The following RBFOX1 variants were observed in gnomAD, a reference collection of about 807,000 sequenced individuals.
RBFOX1 encodes the protein RNA binding fox-1 homolog 1.
RBFOX1 carries 8 observed loss-of-function variants against 57.7 expected under a neutral mutation model. That is an observed-to-expected ratio of 0.14 (90% CI 0.08 to 0.25). The LOEUF (loss-of-function observed/expected upper bound fraction) is 0.25, where lower values mean the gene tolerates loss of function less well. Among genes scored for constraint, RBFOX1 ranks in the 10% least tolerant of loss-of-function variants. RBFOX1 has a pLI of 1.00. For synonymous variants in RBFOX1, 326 were observed against 222.4 expected (o/e 1.47, Z -4.15); for missense variants, 611 against 548.5 (o/e 1.11, Z -1.14).
At chr16:5,849,454 A>G (rs1273832029) in intron 3 of RBFOX1, among the ~76,000 whole-genome samples, 1 of 152,112 alleles carries the variant, frequency 6.6e-6, no homozygotes. Flanking sequence ...ACAGAAACTC[A>G]TTCCCAGGCA....
At chr16:6,302,812 C>G (rs1291452548) in intron 1 of RBFOX1, among the ~76,000 whole-genome samples, 1 of 152,062 alleles carries the variant, frequency 6.6e-6, no homozygotes, top group Non-Finnish European at 1.5e-5. Flanking sequence ...AAACTTATGC[C>G]CCTTTTAGTG....
Position 5,834,819 on chromosome 16 carries a change from TAGAC to T in RBFOX1, c.319-32468_319-32465del, listed in dbSNP as rs71142652. Among the ~76,000 whole-genome samples, 271 of 134,430 alleles carry T rather than the reference TAGAC, an allele frequency of 2.0e-3. 1 individual carries two copies. Among genetic ancestry groups the T allele is most frequent in the African/African-American group, 7.0e-3 (231 of 33,136 alleles). 88.2% of individuals were successfully genotyped at this position (134,430 alleles called of 152,430 possible). A position where few individuals can be genotyped will look rare whatever the true frequency, so the allele number is the denominator to read the frequency against. ...ATAGATAGATAGATAGATAGATAGA[TAGAC>T]AGACAGACAGACAGATTTCTTTTCC... On this transcript the variant is annotated intron_variant, in intron 3 of 19. Coordinates refer to the RBFOX1 transcript ENST00000641259.
chr16:7,235,509 A>G (rs546289806), intron 4 of RBFOX1, among the ~76,000 whole-genome samples: 9 of 152,284 alleles, frequency 5.9e-5, no homozygotes, highest in African/African-American at 2.2e-4. Context: ...AGTTTTTGAC[A>G]TTTTATGGGC....
At chr16:6,438,334 G>C (rs1200944354) in intron 2 of RBFOX1, among the ~76,000 whole-genome samples, 1 of 152,118 alleles carries the variant, frequency 6.6e-6, no homozygotes, top group African/African-American at 2.4e-5. Flanking sequence ...GGAGAGTGAG[G>C]CTTAAGGAGA....
intron 1 of RBFOX1, among the ~76,000 whole-genome samples, chr16:5,344,779 C>A (rs796884198): frequency 6.6e-6 from 1 of 152,108 alleles, no homozygotes; most frequent in Non-Finnish European, 1.5e-5. Context: ...AATTATCCAA[C>A]GTTATTTAAA....
At chr16:6,904,611 A>G (rs2069327873) in intron 3 of RBFOX1, among the ~76,000 whole-genome samples, 1 of 150,074 alleles carries the variant, frequency 6.7e-6, no homozygotes, top group African/African-American at 2.4e-5. Context: ...AAAAAAAAAA[A>G]AAAAAAAAAA....
In RBFOX1 at chr16:7,217,919, AGT is replaced by A. The variant is rs2092359164; in HGVS notation, c.27+165824_27+165825del. On this transcript the variant is annotated intron_variant, in intron 4 of 15. Coordinates refer to ENST00000550418, the MANE Select transcript of RBFOX1 (RefSeq NM_018723.4). Reference sequence around the variant, plus strand: ...GTATGTGTGTGCATGTGTGTGTGTGAGTGTAGGTGTGTGCGTGCATGTGTGTG... The same window carrying A: ...GTATGTGTGTGCATGTGTGTGTGTGAGTAGGTGTGTGCGTGCATGTGTGTG... 2.0e-5 allele frequency among the ~76,000 whole-genome samples: 3 copies of A among 147,464 alleles called. No homozygotes were observed. The South Asian group carries it at 6.5e-4, about 32-fold the overall frequency.
chr16:6,829,420 A>G (rs943778645), intron 3 of RBFOX1, among the ~76,000 whole-genome samples: 1 of 150,148 alleles, frequency 6.7e-6, no homozygotes. Flanking sequence ...GTAAAAGGCT[A>G]TTTGTAGATT....
chr16:5,945,847 A>C (rs190724723), intron 4 of RBFOX1, among the ~76,000 whole-genome samples: 6 of 152,236 alleles, frequency 3.9e-5, no homozygotes, highest in African/African-American at 1.4e-4. Flanking sequence ...GTGTGTGAGA[A>C]GTCTACTCCA....
intron 3 of RBFOX1, among the ~76,000 whole-genome samples, chr16:6,797,436 C>T (rs941941979): frequency 1.3e-5 from 2 of 152,090 alleles, no homozygotes; most frequent in Non-Finnish European, 2.9e-5. Flanking sequence ...CTTTGTTGCG[C>T]AATAACATGA....
intron 1 of RBFOX1, among the ~76,000 whole-genome samples, chr16:5,317,503 G>C (rs543047486): frequency 6.6e-6 from 1 of 152,192 alleles, no homozygotes; most frequent in East Asian, 1.9e-4. Context: ...CAGCTACTTA[G>C]GAGACTGAGG....
At position 5,792,348 on chromosome 16, in the gene RBFOX1, C is replaced by T. The variant is rs553836367; in HGVS notation, c.319-74955C>T. Among the ~76,000 whole-genome samples the T allele has an allele frequency of 7.2e-5, 11 of 152,280 alleles. No individual in the cohort carries two copies. The East Asian group carries it at 2.1e-3, about 29-fold the overall frequency. ...ACATATACAGTTGACTCCTGCACAACATGAGTGTTAGGGGCACCTTAGCCC... is the reference window on the plus strand; with the variant it reads ...ACATATACAGTTGACTCCTGCACAATATGAGTGTTAGGGGCACCTTAGCCC... On this transcript the variant is annotated intron_variant, in intron 3 of 19. Transcript: ENST00000641259.
At position 6,468,055 on chromosome 16, in the gene RBFOX1, T is replaced by C. The variant is rs61562937; in HGVS notation, c.-64+150998T>C. 2.6e-3 allele frequency among the ~76,000 whole-genome samples: 388 copies of C among 152,132 alleles called. 6 individuals carry two copies. The East Asian group carries it at 0.026, about 10-fold the overall frequency. Reference sequence around the variant, plus strand: ...AGGAGAGTCTGTGTCTCCTGGGAGATGGATGGTTTGGGGGAATACGGAGTG... The same window carrying C: ...AGGAGAGTCTGTGTCTCCTGGGAGACGGATGGTTTGGGGGAATACGGAGTG... On this transcript the variant is annotated intron_variant, in intron 2 of 15. Transcript: ENST00000550418.
At chr16:6,556,510 G>A (rs1327400321) in intron 2 of RBFOX1, among the ~76,000 whole-genome samples, 4 of 152,226 alleles carry the variant, frequency 2.6e-5, no homozygotes, top group South Asian at 2.1e-4. Flanking sequence ...AGTCCACGGC[G>A]CATTAAGGCC....
intron 1 of RBFOX1, among the ~76,000 whole-genome samples, chr16:6,046,952 T>C (rs1035540292): frequency 2.6e-5 from 4 of 152,156 alleles, no homozygotes; most frequent in Admixed American, 6.5e-5. Context: ...ACGGAGTTAA[T>C]GGATGTTGGG....
chr16:6,187,773 G>T (rs2097114445), intron 1 of RBFOX1, among the ~76,000 whole-genome samples: 1 of 152,226 alleles, frequency 6.6e-6, no homozygotes. Flanking sequence ...GGAGGGGCAG[G>T]CTAGGATAAC....
chr16:5,702,516 T>C (rs1277621850), intron 3 of RBFOX1, among the ~76,000 whole-genome samples: 1 of 152,264 alleles, frequency 6.6e-6, no homozygotes, highest in Non-Finnish European at 1.5e-5. Flanking sequence ...GGATAATTGC[T>C]GTGCAGATGT....
chr16:6,704,109 A>T (rs2062303973), intron 3 of RBFOX1: 1 of 152,012 alleles, frequency 6.6e-6, no homozygotes, highest in South Asian at 2.1e-4. Context: ...TGCTCTTCTA[A>T]TTTCTTAATT....
chr16:7,037,037 A>C (rs1341556463), intron 3 of RBFOX1, among the ~76,000 whole-genome samples: 2 of 152,084 alleles, frequency 1.3e-5, no homozygotes, highest in African/African-American at 4.8e-5. Flanking sequence ...GGAGTGTGGC[A>C]GTGAGGACAA....
Sources: gnomAD v4.1 joint callset for allele counts (sites outside exome capture counted in the v4.1 genomes callset) on GRCh38, gnomAD v4.1.1 for gene constraint, MANE v1.5 for transcripts, NCBI Gene and HGNC (gene_info 2026-07-23, HGNC 2026-07-21) for gene names.